The following NOVA2 variants were observed in gnomAD, a reference collection of about 807,000 sequenced individuals.
NOVA2 encodes NOVA alternative splicing regulator 2.
Under a neutral mutation model 22.5 loss-of-function variants are expected in NOVA2, and 9 were observed. That is an observed-to-expected ratio of 0.40 (90% confidence interval 0.24 to 0.70). The LOEUF (loss-of-function observed/expected upper bound fraction) is 0.70. NOVA2 is among the 30% of genes least tolerant of loss of function. The probability of loss-of-function intolerance (pLI) is 0.38; values close to 1 mark genes in which losing one functional copy is unlikely to be tolerated. For missense variants in NOVA2, 383 were observed against 682.8 expected (o/e 0.56, Z 4.89); for synonymous variants, 318 against 335.2 (o/e 0.95, Z 0.56).
rs1197415755 is a variant in NOVA2, at chr19:45,973,452, T to TGCGGCGGCG, written c.-110_-102dup. 7.6e-6 allele frequency: 1 copy of TGCGGCGGCG among 132,066 alleles called. No homozygotes were observed. The highest frequency in any genetic ancestry group is 1.5e-5 in the Non-Finnish European group (1 of 67,886). 8.2% of individuals were successfully genotyped at this position (132,066 alleles called of 1,614,324 possible). A position where few individuals can be genotyped will look rare whatever the true frequency, so the allele number is the denominator to read the frequency against. On this transcript the variant is annotated 5_prime_UTR_variant, in exon 1 of 4. Coordinates refer to ENST00000263257, the MANE Select transcript of NOVA2 (RefSeq NM_002516.4). ...CGACGGCTGCTGGGGAGGCTGGGGTTGCGGCGGCGGCGGCGGCGGGGGCGG... is the reference window on the plus strand; with the variant it reads ...CGACGGCTGCTGGGGAGGCTGGGGTTGCGGCGGCGGCGGCGGCGGCGGCGGCGGGGGCGG...
intron 3 of NOVA2, among the ~76,000 whole-genome samples, chr19:45,941,559 C>T (rs895534415): frequency 1.3e-5 from 2 of 151,826 alleles, no homozygotes; most frequent in Non-Finnish European, 2.9e-5. Context: ...CCAGCATGGC[C>T]TTTTGATATG....
intron 3 of NOVA2, among the ~76,000 whole-genome samples, chr19:45,952,643 A>G (rs1443775768): frequency 2.0e-5 from 3 of 152,196 alleles, no homozygotes; most frequent in African/African-American, 7.2e-5. Context: ...GGGAAGAGGC[A>G]ATGCCCTCGC....
At chr19:45,943,810 TA>T (rs1230450213) in intron 3 of NOVA2, among the ~76,000 whole-genome samples, 2 of 149,472 alleles carry the variant, frequency 1.3e-5, no homozygotes, top group African/African-American at 2.5e-5. Context: ...AATAACAAAA[TA>T]AAAAAAATCT....
chr19:45,948,645 G>C (rs533235535), intron 3 of NOVA2, among the ~76,000 whole-genome samples: 1 of 150,706 alleles, frequency 6.6e-6, no homozygotes, highest in Non-Finnish European at 1.5e-5. Flanking sequence ...AAAAAGAAAT[G>C]ATTATTGTCA....
intron 1 of NOVA2, among the ~76,000 whole-genome samples, chr19:45,970,664 C>G (rs868531474): frequency 1.8e-4 from 28 of 152,270 alleles, no homozygotes; most frequent in African/African-American, 6.3e-4. Context: ...GCATGAGCTA[C>G]TGTGCCCAGC....
At chr19:45,966,598 C>A (rs1468394842) in intron 1 of NOVA2, among the ~76,000 whole-genome samples, 1 of 152,088 alleles carries the variant, frequency 6.6e-6, no homozygotes, top group East Asian at 1.9e-4. Context: ...AGAAATTAGG[C>A]CGGGTGTGGT....
At chr19:45,965,893 G>T (rs1968161198) in intron 1 of NOVA2, among the ~76,000 whole-genome samples, 1 of 152,214 alleles carries the variant, frequency 6.6e-6, no homozygotes. Flanking sequence ...GTAAGGAAAG[G>T]TACTTCGGAT....
rs1967640382 is a variant in NOVA2, at chr19:45,935,303, C to T, written c.*4560G>A. The T allele has an allele frequency of 6.6e-6, 1 of 152,484 alleles. No individual in the cohort carries two copies. The highest frequency in any genetic ancestry group is 2.4e-5 in the African/African-American group (1 of 41,414). 9.4% of individuals were successfully genotyped at this position (152,484 alleles called of 1,614,324 possible). ...TGCCACCCAGCAATCTCCAATGCAA[C>T]TTGCAGGGGACACTAAGACAGACCA... On this transcript the variant is annotated 3_prime_UTR_variant, in exon 4 of 4. Transcript: ENST00000263257.
At chr19:45,941,493 G>A (rs1967757921) in intron 3 of NOVA2, among the ~76,000 whole-genome samples, 1 of 151,942 alleles carries the variant, frequency 6.6e-6, no homozygotes, top group Non-Finnish European at 1.5e-5. Context: ...GGTGGCTGGA[G>A]ACTGAGACGC....
At chr19:45,961,193 G>C (rs1346479666) in intron 1 of NOVA2, 40 bp from the exon 2 acceptor site, 5 of 1,530,460 alleles carry the variant, frequency 3.3e-6, no homozygotes, top group Middle Eastern at 1.7e-4. Flanking sequence ...CAGCGGGGGA[G>C]GGGTCTTCAC....
chr19:45,947,496 CG>C (rs1340036293), intron 3 of NOVA2, among the ~76,000 whole-genome samples: 10 of 148,200 alleles, frequency 6.7e-5, no homozygotes, highest in South Asian at 6.4e-4. Context: ...TTTTTTGAGA[CG>C]GAGTTTCGCT....
chr19:45,958,817 T>C (rs1968053308), intron 2 of NOVA2, among the ~76,000 whole-genome samples: 1 of 152,160 alleles, frequency 6.6e-6, no homozygotes, highest in Admixed American at 6.5e-5. Flanking sequence ...CTGGGCACAC[T>C]TCCCTGCACT....
At chr19:45,957,538 T>TAA (rs771237218) in intron 2 of NOVA2, among the ~76,000 whole-genome samples, 1 of 120,198 alleles carries the variant, frequency 8.3e-6, no homozygotes, top group Admixed American at 8.6e-5. Flanking sequence ...AATCTCTGTC[T>TAA]AAAAAAAAAA....
intron 3 of NOVA2, among the ~76,000 whole-genome samples, chr19:45,944,491 A>T (rs988415109): frequency 1.4e-4 from 22 of 152,216 alleles, no homozygotes; most frequent in African/African-American, 5.3e-4. Flanking sequence ...AGCAAAAAAT[A>T]AAATTCATCT....
chr19:45,940,640 G>T lies in NOVA2; in HGVS notation c.702C>A (p.Pro234=), dbSNP rs765148301. 1.5e-5 allele frequency: 22 copies of T among 1,511,144 alleles called. No homozygotes were observed. In the African/African-American group the frequency reaches 2.3e-4, roughly 16 times the overall value. The allele number at this position is 1,511,144 out of a possible 1,614,324, so 93.6% of individuals were successfully genotyped here. A position where few individuals can be genotyped will look rare whatever the true frequency, so the allele number is the denominator to read the frequency against. ...CGGCCGCGGCTGGCAGCACATCCGCGGGGCTGGCGTACGGAGAGCCGGTGG... is the reference window on the plus strand; with the variant it reads ...CGGCCGCGGCTGGCAGCACATCCGCTGGGCTGGCGTACGGAGAGCCGGTGG... ...SNPTGSPYAS[P]ADVLPAAAAA... Residue 234 remains proline, a synonymous_variant, in exon 4 of 4, where the codon CCC becomes CCA. Coordinates refer to ENST00000263257, the MANE Select transcript of NOVA2 (RefSeq NM_002516.4).
At chr19:45,948,058 G>C (rs1234715574) in intron 3 of NOVA2, among the ~76,000 whole-genome samples, 1 of 152,258 alleles carries the variant, frequency 6.6e-6, no homozygotes, top group East Asian at 1.9e-4. Context: ...GCTTATGCAT[G>C]TAATGGTGAG....
chr19:45,954,052 G>GA, intron 2 of NOVA2, 106 bp from the exon 3 acceptor site: 10 of 1,245,916 alleles, frequency 8.0e-6, no homozygotes, highest in Non-Finnish European at 1.1e-5. Flanking sequence ...TCCAGAGAGT[G>GA]GACCTGACTG....
rs1236459920 is a variant in NOVA2 at position 45,940,338 on chromosome 19, C to CCGGCCT, written c.998_1003dup (p.Glu333_Ala334dup). Reference sequence around the variant, plus strand: ...GGCGGCCCCTCCGGCTGGCCCGGCCCCGGCCTCGCCCGCGTAGGATGCCAG... The same window carrying CCGGCCT: ...GGCGGCCCCTCCGGCTGGCCCGGCCCCGGCCTCGGCCTCGCCCGCGTAGGATGCCAG... On this transcript the variant is annotated inframe_insertion, in exon 4 of 4. Coordinates refer to ENST00000263257, the MANE Select transcript of NOVA2 (RefSeq NM_002516.4). The CCGGCCT allele has an allele frequency of 8.0e-7, 1 of 1,244,544 alleles. No homozygotes were observed. The highest frequency in any genetic ancestry group is 1.0e-6 in the Non-Finnish European group (1 of 994,078). The allele number at this position is 1,244,544 out of a possible 1,614,324, so 77.1% of individuals were successfully genotyped here. A position where few individuals can be genotyped will look rare whatever the true frequency, so the allele number is the denominator to read the frequency against.
intron 2 of NOVA2, among the ~76,000 whole-genome samples, chr19:45,955,758 T>C (rs1474392003): frequency 6.6e-6 from 1 of 151,410 alleles, no homozygotes; most frequent in Non-Finnish European, 1.5e-5. Context: ...CACGGGAGGC[T>C]GAGACAGGAG....
Sources: gnomAD v4.1 joint callset for allele counts (sites outside exome capture counted in the v4.1 genomes callset) on GRCh38, gnomAD v4.1.1 for gene constraint, MANE v1.5 for transcripts, NCBI Gene and HGNC (gene_info 2026-07-23, HGNC 2026-07-21) for gene names.